The following LARP1 variants were observed in gnomAD, a reference collection of about 807,000 sequenced individuals.
LARP1 encodes la-related protein 1.
Under a neutral mutation model 122.7 loss-of-function variants are expected in LARP1, and 36 were observed. The observed-to-expected ratio is 0.29, with a 90% CI of 0.22 to 0.39. LARP1 has a LOEUF of 0.39. Among genes scored for constraint, LARP1 ranks in the 10% least tolerant of loss-of-function variants. The pLI, the probability that LARP1 is intolerant of heterozygous loss-of-function variation, is 1.00. For missense variants in LARP1, 1,040 were observed against 1,403.6 expected, an observed-to-expected ratio of 0.74 and a Z score of 4.14; for synonymous variants, 539 against 528.7, an observed-to-expected ratio of 1.02 and a Z score of -0.27.
intron 1 of LARP1, among the ~76,000 whole-genome samples, chr5:154,699,031 G>A (rs1305572249): frequency 6.6e-6 from 1 of 152,194 alleles, no homozygotes; most frequent in Non-Finnish European, 1.5e-5. Flanking sequence ...ATTGCAGAGC[G>A]AGGGGCCGCC....
rs567579176 is a variant in LARP1, at chr5:154,812,710, G to A, written c.3081+1070G>A. 3.6e-4 allele frequency among the ~76,000 whole-genome samples: 54 copies of A among 152,044 alleles called. No homozygotes were observed. The South Asian group carries it at 7.3e-3, about 21-fold the overall frequency. ...AATTTTTGTATTTTTAGTAGAGATG[G>A]GGTTTCACCATGTTGGCCAGGCAGG... is the stretch of plus-strand genomic sequence containing the variant. On this transcript the variant is annotated intron_variant, in intron 18 of 18. Transcript: ENST00000518297.
intron 1 of LARP1, among the ~76,000 whole-genome samples, chr5:154,761,761 T>C (rs1582319141): frequency 6.6e-6 from 1 of 152,132 alleles, no homozygotes; most frequent in East Asian, 1.9e-4. Context: ...AGCACATCAA[T>C]GTGAAGGGAG....
intron 1 of LARP1, among the ~76,000 whole-genome samples, chr5:154,720,852 G>A (rs1023926922): frequency 2.6e-5 from 4 of 152,080 alleles, no homozygotes; most frequent in Non-Finnish European, 5.9e-5. Context: ...TGCAAACTGC[G>A]GGCTACGGAA....
intron 1 of LARP1, among the ~76,000 whole-genome samples, chr5:154,763,054 C>CT (rs147728579): frequency 0.086 from 11,156 of 129,778 alleles, 524 homozygotes; most frequent in Non-Finnish European, 0.12. Flanking sequence ...TGAGCAGATG[C>CT]TTTTTTTTTT....
At chr5:154,784,702 C>T (rs1396506129) in intron 1 of LARP1, among the ~76,000 whole-genome samples, 2 of 152,174 alleles carry the variant, frequency 1.3e-5, no homozygotes, top group East Asian at 1.9e-4. Context: ...CTGCCTCTTA[C>T]CAGATCTTTT....
chr5:154,739,458 C>T (rs1305947192), intron 1 of LARP1, among the ~76,000 whole-genome samples: 1 of 152,204 alleles, frequency 6.6e-6, no homozygotes, highest in African/African-American at 2.4e-5. Context: ...AGGGCTTCTC[C>T]AACAAAATGA....
chr5:154,787,844 T>TG (rs1757010792), intron 1 of LARP1, among the ~76,000 whole-genome samples: 3 of 152,218 alleles, frequency 2.0e-5, no homozygotes, highest in Admixed American at 6.5e-5. Context: ...TTGGGATTGG[T>TG]GGCAGACTAG....
chr5:154,768,637 A>G (rs1252087028), intron 1 of LARP1, among the ~76,000 whole-genome samples: 1 of 152,128 alleles, frequency 6.6e-6, no homozygotes, highest in Non-Finnish European at 1.5e-5. Flanking sequence ...GCTGGAGTGC[A>G]GTGGCGCGAT....
chr5:154,786,267 C>T (rs1756875465), intron 1 of LARP1, among the ~76,000 whole-genome samples: 1 of 152,150 alleles, frequency 6.6e-6, no homozygotes, highest in South Asian at 2.1e-4. Context: ...TCTCTAACTC[C>T]TGACCTCAGG....
At chr5:154,746,507 G>A (rs1753206993) in intron 1 of LARP1, among the ~76,000 whole-genome samples, 1 of 152,194 alleles carries the variant, frequency 6.6e-6, no homozygotes, top group Admixed American at 6.5e-5. Flanking sequence ...TACTATCTGT[G>A]TCTCTTGTGA....
intron 1 of LARP1, among the ~76,000 whole-genome samples, chr5:154,690,403 C>T (rs1396202438): frequency 6.6e-6 from 1 of 152,206 alleles, no homozygotes; most frequent in Non-Finnish European, 1.5e-5. Flanking sequence ...TGTCGTGCGG[C>T]AAGCCCCTTA....
chr5:154,746,315 T>G (rs1753197357), intron 1 of LARP1, among the ~76,000 whole-genome samples: 1 of 152,206 alleles, frequency 6.6e-6, no homozygotes, highest in Admixed American at 6.5e-5. Flanking sequence ...GAGCGACGGT[T>G]CTTTTGGCCA....
intron 1 of LARP1, among the ~76,000 whole-genome samples, chr5:154,726,359 A>T (rs1317409618): frequency 2.6e-5 from 4 of 152,210 alleles, no homozygotes; most frequent in African/African-American, 9.6e-5. Context: ...ATTTTTTCAT[A>T]TACAATACCT....
intron 8 of LARP1, 107 bp downstream of exon 8, chr5:154,795,426 T>C: frequency 2.7e-6 from 3 of 1,096,082 alleles, no homozygotes; most frequent in Non-Finnish European, 3.9e-6. Context: ...TCTGATGACT[T>C]CTGCTGAAGT....
In LARP1 at chr5:154,799,715, A is replaced by G. The variant is rs747895737; in HGVS notation, c.1502A>G (p.Asn501Ser). 2 of 1,614,182 alleles carry G rather than the reference A, an allele frequency of 1.2e-6. No individual in the cohort carries two copies. The highest frequency in any genetic ancestry group is 1.7e-6 in the Non-Finnish European group (2 of 1,180,024). Residue 501 changes from asparagine (N) to serine (S), a missense_variant, in exon 9 of 19, where the codon AAC (asparagine) becomes AGC (serine). Transcript: ENST00000518297. ...CAGACTGATTTCTCCCAGCTTCTCAACTGCCCTGAATTTGTTCCCCGTCAG... is the reference window on the plus strand; with the variant it reads ...CAGACTGATTTCTCCCAGCTTCTCAGCTGCCCTGAATTTGTTCCCCGTCAG... ...YSQTDFSQLL[N>S]CPEFVPRQHY...
intron 18 of LARP1, 44 bp from the exon 19 acceptor site, chr5:154,813,834 AAGAGGGCGT>A: frequency 1.3e-6 from 2 of 1,496,300 alleles, no homozygotes; most frequent in South Asian, 2.3e-5. Context: ...CCTGGCAAGG[AAGAGGGCGT>A]AGATAGTGCT....
chr5:154,697,812 T>G (rs982072012), intron 1 of LARP1, among the ~76,000 whole-genome samples: 1 of 152,074 alleles, frequency 6.6e-6, no homozygotes, highest in African/African-American at 2.4e-5. Context: ...CGCAAGGATT[T>G]GTTTTTTGTT....
At chr5:154,718,951 G>GTCATGTGCC (rs1755686180) in intron 1 of LARP1, among the ~76,000 whole-genome samples, 1 of 152,196 alleles carries the variant, frequency 6.6e-6, no homozygotes, top group Non-Finnish European at 1.5e-5. Flanking sequence ...CTTGCCCAAA[G>GTCATGTGCC]TCATGTGGCA....
chr5:154,691,172 G>A (rs1754182924), intron 1 of LARP1, among the ~76,000 whole-genome samples: 1 of 150,012 alleles, frequency 6.7e-6, no homozygotes, highest in Non-Finnish European at 1.5e-5. Context: ...TGAGGCAGGA[G>A]AATGGCGTGA....
Sources: gnomAD v4.1 joint callset for allele counts (sites outside exome capture counted in the v4.1 genomes callset) on GRCh38, gnomAD v4.1.1 for gene constraint, MANE v1.5 for transcripts, NCBI Gene and HGNC (gene_info 2026-07-23, HGNC 2026-07-21) for gene names.